DHX36: variants seen among roughly 807,000 people sequenced by gnomAD.
DHX36 encodes DEAH-box helicase 36.
In DHX36, 50 loss-of-function variants were observed where a neutral mutation model predicts 139.0. The observed-to-expected ratio is 0.36, with a 90% CI of 0.29 to 0.46. The LOEUF is 0.46. Among genes scored for constraint, DHX36 ranks in the 20% least tolerant of loss-of-function variants. The pLI, the probability that DHX36 is intolerant of heterozygous loss-of-function variation, is 1.00. For missense variants in DHX36, 1,024 were observed against 1,211.3 expected (o/e 0.85, Z 2.29); for synonymous variants, 425 against 401.9 (o/e 1.06, Z -0.69).
At chr3:154,307,085 T>C (rs1576875475) in intron 5 of DHX36, among the ~76,000 whole-genome samples, 1 of 152,284 alleles carries the variant, frequency 6.6e-6, no homozygotes, top group Middle Eastern at 3.4e-3. Context: ...AAAAGTGGTT[T>C]ATTTTTCACC....
chr3:154,324,202 T>C lies in DHX36; in HGVS notation c.215A>G (p.Gln72Arg). ...IGMWYAKKQG[Q>R]KNKEAERQER... ...TTGCCTCTCCGCTTCCTTGTTCTTC[T>C]GCCCCTGTTTTTTCGCGTACCACAT... Residue 72 changes from glutamine (Q) to arginine (R), a missense_variant, in exon 1 of 25, where the codon CAG (glutamine) becomes CGG (arginine). Gln to Arg is a conservative substitution (Grantham distance 43). Around this residue, in one of 4 missense-constraint regions of DHX36, gnomAD observed 293 missense variants for 274.4 expected, o/e 1.07. Coordinates refer to ENST00000496811, the MANE Select transcript of DHX36 (RefSeq NM_020865.3). The C allele has an allele frequency of 6.2e-7, 1 of 1,613,154 alleles. No individual in the cohort carries two copies. Among genetic ancestry groups the C allele is most frequent in the Middle Eastern group, 1.7e-4 (1 of 6,058 alleles).
intron 16 of DHX36, 25 bp from the exon 17 acceptor site, chr3:154,288,989 T>C: frequency 1.8e-6 from 2 of 1,116,012 alleles, no homozygotes; most frequent in Non-Finnish European, 1.3e-6. Flanking sequence ...CAAATATTAT[T>C]AAATACATAT....
intron 22 of DHX36, chr3:154,278,756 A>C (rs1389777557): frequency 6.6e-6 from 1 of 152,248 alleles, no homozygotes; most frequent in East Asian, 1.9e-4. Context: ...CCAGGATTAC[A>C]GGTGTGAGCC....
intron 20 of DHX36, 88 bp downstream of exon 20, chr3:154,283,100 T>G: frequency 9.4e-7 from 1 of 1,059,726 alleles, no homozygotes; most frequent in Non-Finnish European, 1.4e-6. Context: ...TATTTGACTT[T>G]TTTGCTATAG....
rs1467788539 is a variant in DHX36, at chr3:154,311,624, A to G, written c.642+12T>C. ...TGCAAATCAAATTAAATAGTGGAAAAAAGCACTTTACCTTTTGCATTCCAT... is the reference window on the plus strand; with the variant it reads ...TGCAAATCAAATTAAATAGTGGAAAGAAGCACTTTACCTTTTGCATTCCAT... On this transcript the variant is annotated intron_variant, in intron 4 of 24. Coordinates refer to ENST00000496811, the MANE Select transcript of DHX36 (RefSeq NM_020865.3). 3 of 1,593,502 alleles carry G rather than the reference A, an allele frequency of 1.9e-6. No homozygotes were observed. Among genetic ancestry groups the G allele is most frequent in the Middle Eastern group, 1.7e-4 (1 of 6,034 alleles).
rs553377718 is a variant in DHX36 at position 154,319,786 on chromosome 3, GC to G, written c.244-3624del. ...TTGGTTATTACTGCAGCATAATTTG[GC>G]CCACTTTGATTTGCCCACTTTGATT... On this transcript the variant is annotated intron_variant, in intron 1 of 24. Transcript: ENST00000496811. Among the ~76,000 whole-genome samples, 180 of 152,102 alleles carry G rather than the reference GC, an allele frequency of 1.2e-3. 1 individual carries two copies. Among genetic ancestry groups the G allele is most frequent in the African/African-American group, 4.0e-3 (164 of 41,488 alleles).
At chr3:154,298,635 G>A (rs1712135756) in intron 12 of DHX36, among the ~76,000 whole-genome samples, 1 of 152,144 alleles carries the variant, frequency 6.6e-6, no homozygotes, top group South Asian at 2.1e-4. Context: ...AATTTTGTCT[G>A]GCTGGGCGTG....
intron 1 of DHX36, among the ~76,000 whole-genome samples, chr3:154,316,679 T>C (rs770177009): frequency 5.9e-5 from 9 of 151,948 alleles, no homozygotes; most frequent in Non-Finnish European, 1.2e-4. Flanking sequence ...TGATCCAATG[T>C]GGCAAATGAC....
chr3:154,315,532 T>C (rs1314943147), intron 2 of DHX36, among the ~76,000 whole-genome samples: 2 of 152,150 alleles, frequency 1.3e-5, no homozygotes, highest in Non-Finnish European at 2.9e-5. Flanking sequence ...ATCCACAGAA[T>C]AGTCATTCCT....
At chr3:154,279,119 A>T (rs1719251512) in intron 22 of DHX36, 1 of 152,410 alleles carries the variant, frequency 6.6e-6, no homozygotes, top group Non-Finnish European at 1.5e-5. Flanking sequence ...CTAGGATTAC[A>T]GGTGTGAGCC....
At chr3:154,291,340 C>T (rs148695420) in intron 15 of DHX36, among the ~76,000 whole-genome samples, 98 of 152,230 alleles carry the variant, frequency 6.4e-4, no homozygotes, top group African/African-American at 2.2e-3. Context: ...GTATTTAGCT[C>T]TATTATTGTT....
At chr3:154,293,865 T>A in intron 13 of DHX36, 53 bp from the exon 14 acceptor site, 1 of 1,308,316 alleles carries the variant, frequency 7.6e-7, no homozygotes, top group Non-Finnish European at 1.1e-6. Flanking sequence ...TCTAATACAT[T>A]ATATTTGTAA....
chr3:154,315,937 C>T lies in DHX36; in HGVS notation c.368+102G>A, dbSNP rs750064560. 1.8e-5 allele frequency: 25 copies of T among 1,361,586 alleles called. No individual in the cohort carries two copies. In the South Asian group the frequency reaches 2.1e-4, roughly 11 times the overall value. 84.3% of individuals were successfully genotyped at this position (1,361,586 alleles called of 1,614,324 possible). A position where few individuals can be genotyped will look rare whatever the true frequency, so the allele number is the denominator to read the frequency against. Reference sequence around the variant, plus strand: ...TTAATCTACATAAGGAAAAAAAGTACGTAAAGGTTAAAATTCACTTATCGA... The same window carrying T: ...TTAATCTACATAAGGAAAAAAAGTATGTAAAGGTTAAAATTCACTTATCGA... On this transcript the variant is annotated intron_variant, in intron 2 of 24. Coordinates refer to ENST00000496811, the MANE Select transcript of DHX36 (RefSeq NM_020865.3).
chr3:154,287,423 G>A (rs1277170593), intron 17 of DHX36, among the ~76,000 whole-genome samples: 1 of 152,154 alleles, frequency 6.6e-6, no homozygotes, highest in Non-Finnish European at 1.5e-5. Context: ...GGGAGGCTGA[G>A]GTGTGCGGAT....
Position 154,300,711 on chromosome 3 carries a change from C to T in DHX36, c.1359-15G>A, listed in dbSNP as rs1207902499. 10 of 1,581,940 alleles carry T rather than the reference C, an allele frequency of 6.3e-6. No homozygotes were observed. The highest frequency in any genetic ancestry group is 8.6e-6 in the Non-Finnish European group (10 of 1,158,120). ...TTGCAGAATACCTATCAAAGTTAAACACAAAGTCATGAAATACTTAATCAA... is the reference window on the plus strand; with the variant it reads ...TTGCAGAATACCTATCAAAGTTAAATACAAAGTCATGAAATACTTAATCAA... On this transcript the variant is annotated splice_polypyrimidine_tract_variant and intron_variant, in intron 10 of 24. Coordinates refer to ENST00000496811, the MANE Select transcript of DHX36 (RefSeq NM_020865.3).
chr3:154,315,898 T>C, intron 2 of DHX36, 141 bp downstream of exon 2: 1 of 1,031,356 alleles, frequency 9.7e-7, no homozygotes, highest in South Asian at 1.8e-5. Flanking sequence ...TTAAAAGTCA[T>C]TTTCTAAATC....
At chr3:154,290,975 A>G (rs927198218) in intron 15 of DHX36, among the ~76,000 whole-genome samples, 1 of 150,686 alleles carries the variant, frequency 6.6e-6, no homozygotes, top group African/African-American at 2.4e-5. Flanking sequence ...TCTACTAAAA[A>G]TACAAAAAAA....
chr3:154,284,690 C>A (rs1285868318), intron 18 of DHX36, 21 bp from the exon 19 acceptor site: 1 of 1,600,736 alleles, frequency 6.2e-7, no homozygotes, highest in South Asian at 1.1e-5. Flanking sequence ...GCAGACATAG[C>A]CAATTTAAAT....
Position 154,275,491 on chromosome 3 carries a change from T to C in DHX36, c.*680A>G, listed in dbSNP as rs1473960968. Reference sequence around the variant, plus strand: ...GGAAAAAGGAGAGAAGCCAAGACACTGACTAACTGACAGAGCTGAGACTGG... The same window carrying C: ...GGAAAAAGGAGAGAAGCCAAGACACCGACTAACTGACAGAGCTGAGACTGG... On this transcript the variant is annotated 3_prime_UTR_variant, in exon 25 of 25. Transcript: ENST00000496811. The C allele has an allele frequency of 2.0e-5, 3 of 152,536 alleles. No individual in the cohort carries two copies. Among genetic ancestry groups the C allele is most frequent in the Non-Finnish European group, 4.4e-5 (3 of 68,048 alleles). 9.4% of individuals were successfully genotyped at this position (152,536 alleles called of 1,614,324 possible).
Sources: allele counts gnomAD v4.1 joint callset (sites outside exome capture counted in the v4.1 genomes callset), GRCh38; gene constraint gnomAD v4.1.1; regional missense constraint gnomAD v4.1.1; transcripts MANE v1.5; gene names NCBI Gene and HGNC (gene_info 2026-07-23, HGNC 2026-07-21).